The following RHOA variants were observed in gnomAD, a reference collection of about 807,000 sequenced individuals.
The protein encoded by RHOA is ras homolog family member A.
A neutral mutation model predicts 17.5 loss-of-function variants in RHOA; 3 were observed. That is an observed-to-expected ratio of 0.17 (90% confidence interval 0.08 to 0.44). The LOEUF is 0.44. Ranked by LOEUF, RHOA falls within the 20% of genes least tolerant of loss-of-function variation. RHOA has a pLI of 0.99. For synonymous variants in RHOA, 98 were observed against 88.4 expected, an observed-to-expected ratio of 1.11 and a Z score of -0.61; for missense variants, 56 against 242.3, an observed-to-expected ratio of 0.23 and a Z score of 5.10.
rs143484269 is a variant in RHOA, at chr3:49,392,553, C to T, written c.-2-16962G>A. 2.7e-3 allele frequency among the ~76,000 whole-genome samples: 417 copies of T among 152,100 alleles called. 3 individuals carry two copies. Among genetic ancestry groups the T allele is most frequent in the African/African-American group, 9.3e-3 (387 of 41,506 alleles). On this transcript the variant is annotated intron_variant, in intron 1 of 4. Transcript: ENST00000418115. ...TAAAAGACAGGTCTTGCCATGTTAC[C>T]CAGACTGGTCTCAAACTCCTGAGCT...
At chr3:49,366,809 A>G (rs990832219) in intron 3 of RHOA, 1 of 152,034 alleles carries the variant, frequency 6.6e-6, no homozygotes, top group African/African-American at 2.4e-5. Flanking sequence ...CCATAACAAC[A>G]CAATCACTCT....
intron 2 of RHOA, among the ~76,000 whole-genome samples, chr3:49,372,733 C>CAAAAAAAAA (rs11460016): frequency 1.2e-5 from 1 of 83,150 alleles, no homozygotes; most frequent in African/African-American, 4.3e-5. Context: ...GACTCTGTCT[C>CAAAAAAAAA]AAAAAAAAAA....
At chr3:49,370,060 C>T (rs1044962578) in intron 2 of RHOA, among the ~76,000 whole-genome samples, 3 of 150,984 alleles carry the variant, frequency 2.0e-5, no homozygotes, top group Admixed American at 6.6e-5. Flanking sequence ...TCCAGCCTGG[C>T]CAACAAGAGC....
chr3:49,397,414 G>C (rs560351525), intron 1 of RHOA, among the ~76,000 whole-genome samples: 1 of 152,044 alleles, frequency 6.6e-6, no homozygotes, highest in Non-Finnish European at 1.5e-5. Context: ...AAAACTCTGT[G>C]AATATACTAA....
At chr3:49,364,647 C>T (rs922494418) in intron 3 of RHOA, among the ~76,000 whole-genome samples, 1 of 151,378 alleles carries the variant, frequency 6.6e-6, no homozygotes, top group Non-Finnish European at 1.5e-5. Context: ...GGCGACAGAG[C>T]GAGACTCCGT....
chr3:49,378,127 C>A (rs1192277511), intron 1 of RHOA, among the ~76,000 whole-genome samples: 1 of 127,466 alleles, frequency 7.8e-6, no homozygotes, highest in Non-Finnish European at 1.6e-5. Context: ...CCAGCCTGGG[C>A]AACAGAGCAC....
In RHOA at chr3:49,362,643, G is replaced by T; in HGVS notation, c.278-17C>A. 6.2e-7 allele frequency: 1 copy of T among 1,604,862 alleles called. No homozygotes were observed. Among genetic ancestry groups the T allele is most frequent in the Non-Finnish European group, 8.5e-7 (1 of 1,174,902 alleles). ...GGATGTTTTCTGAAAGAAAAATGTAGAGAATTTGGGGATACATACAATTCT... is the reference window on the plus strand; with the variant it reads ...GGATGTTTTCTGAAAGAAAAATGTATAGAATTTGGGGATACATACAATTCT... On this transcript the variant is annotated splice_polypyrimidine_tract_variant and intron_variant, in intron 3 of 4. Coordinates refer to ENST00000418115, the MANE Select transcript of RHOA (RefSeq NM_001664.4).
intron 1 of RHOA, among the ~76,000 whole-genome samples, chr3:49,387,756 A>AC (rs1490042952): frequency 2.6e-5 from 4 of 151,502 alleles, no homozygotes; most frequent in Non-Finnish European, 5.9e-5. Flanking sequence ...AAAAAAACAA[A>AC]AAAAAAAACC....
intron 1 of RHOA, among the ~76,000 whole-genome samples, chr3:49,390,045 A>G (rs189588182): frequency 4.9e-4 from 74 of 151,968 alleles, no homozygotes; most frequent in Non-Finnish European, 8.8e-5. Context: ...TCACAAAAGG[A>G]GCCTTCCCCT....
chr3:49,376,341 T>C (rs2048226549), intron 1 of RHOA, among the ~76,000 whole-genome samples: 1 of 151,804 alleles, frequency 6.6e-6, no homozygotes, highest in Non-Finnish European at 1.5e-5. Context: ...GGATACAATA[T>C]TAACATTAAA....
Position 49,360,096 on chromosome 3 carries a change from T to C in RHOA, c.*113A>G, listed in dbSNP as rs971569417. On this transcript the variant is annotated 3_prime_UTR_variant, in exon 5 of 5. Coordinates refer to ENST00000418115, the MANE Select transcript of RHOA (RefSeq NM_001664.4). The stretch of plus-strand genomic sequence containing the variant: ...ATACTGGTAGCAAGATGACTTCTGA[T>C]TTGTAATCTTAGGTAAATTATAGAT... 1.8e-5 allele frequency: 21 copies of C among 1,192,834 alleles called. No homozygotes were observed. The highest frequency in any genetic ancestry group is 2.5e-5 in the Non-Finnish European group (21 of 853,094). The allele number at this position is 1,192,834 out of a possible 1,614,324, so 73.9% of individuals were successfully genotyped here. A position where few individuals can be genotyped will look rare whatever the true frequency, so the allele number is the denominator to read the frequency against.
In RHOA at chr3:49,367,342, C is replaced by CAAAAAAAAAAAAAAAAAAA. The variant is rs62926260; in HGVS notation, c.277+1067_277+1085dup. Among the ~76,000 whole-genome samples, 72 of 80,472 alleles carry CAAAAAAAAAAAAAAAAAAA rather than the reference C, an allele frequency of 8.9e-4. 2 individuals are homozygous for CAAAAAAAAAAAAAAAAAAA. The highest frequency in any genetic ancestry group is 4.5e-3 in the East Asian group (4 of 896). The allele number at this position is 80,472 out of a possible 152,430, so 52.8% of individuals were successfully genotyped here. On this transcript the variant is annotated intron_variant, in intron 3 of 4. Coordinates refer to ENST00000418115, the MANE Select transcript of RHOA (RefSeq NM_001664.4). ...TGGGAGACAGAGCAAGACTCCCTCT[C>CAAAAAAAAAAAAAAAAAAA]AAAAAAAAAAAAAAAAAAAAAAAAG... is the stretch of plus-strand genomic sequence containing the variant.
intron 1 of RHOA, among the ~76,000 whole-genome samples, chr3:49,396,456 T>G (rs2048617913): frequency 6.6e-6 from 1 of 151,830 alleles, no homozygotes; most frequent in South Asian, 2.1e-4. Context: ...GCACCTGTAA[T>G]CCCAGTACTT....
In RHOA at chr3:49,360,113, A is replaced by C; in HGVS notation, c.*96T>G. On this transcript the variant is annotated 3_prime_UTR_variant, in exon 5 of 5. Coordinates refer to ENST00000418115, the MANE Select transcript of RHOA (RefSeq NM_001664.4). ...ACTTCTGATTTGTAATCTTAGGTAAATTATAGATAAATGAAAAAGGCCAGT... is the reference window on the plus strand; with the variant it reads ...ACTTCTGATTTGTAATCTTAGGTAACTTATAGATAAATGAAAAAGGCCAGT... 1 of 1,276,026 alleles carries C rather than the reference A, an allele frequency of 7.8e-7. No individual in the cohort carries two copies. The highest frequency in any genetic ancestry group is 1.1e-6 in the Non-Finnish European group (1 of 920,658). The allele number at this position is 1,276,026 out of a possible 1,614,324, so 79.0% of individuals were successfully genotyped here.
At chr3:49,387,117 C>CAAA (rs56262356) in intron 1 of RHOA, among the ~76,000 whole-genome samples, 7 of 24,642 alleles carry the variant, frequency 2.8e-4, no homozygotes, top group Admixed American at 7.9e-4. Context: ...AACTCCGTCT[C>CAAA]AAAAAAAAAA....
intron 1 of RHOA, among the ~76,000 whole-genome samples, chr3:49,397,433 A>G (rs762575675): frequency 4.6e-5 from 7 of 152,162 alleles, no homozygotes; most frequent in Admixed American, 1.3e-4. Flanking sequence ...AAAACCCACC[A>G]AACTGTTCAT....
intron 1 of RHOA, among the ~76,000 whole-genome samples, chr3:49,385,404 C>A (rs554862819): frequency 6.6e-6 from 1 of 151,718 alleles, no homozygotes; most frequent in Non-Finnish European, 1.5e-5. Flanking sequence ...TTAGTAGAGA[C>A]GGGGTTTTAC....
At chr3:49,406,782 T>C (rs1355324128) in intron 1 of RHOA, 2 of 151,732 alleles carry the variant, frequency 1.3e-5, no homozygotes, top group African/African-American at 4.8e-5. Flanking sequence ...AAGATCTGTC[T>C]GGGCAACATA....
chr3:49,393,333 G>A (rs1403309083), intron 1 of RHOA, among the ~76,000 whole-genome samples: 1 of 151,776 alleles, frequency 6.6e-6, no homozygotes, highest in Non-Finnish European at 1.5e-5. Flanking sequence ...TCCAGAGAGG[G>A]TCTGCCTCTG....
Sources: allele counts gnomAD v4.1 joint callset (sites outside exome capture counted in the v4.1 genomes callset), GRCh38; gene constraint gnomAD v4.1.1; transcripts MANE v1.5; gene names NCBI Gene and HGNC (gene_info 2026-07-23, HGNC 2026-07-21).